The following C4orf50 variants were observed in gnomAD, a reference collection of about 807,000 sequenced individuals.
The protein encoded by C4orf50 is chromosome 4 open reading frame 50, also known as uncharacterized protein C4orf50.
C4orf50 carries 80 observed loss-of-function variants against 77.2 expected under a neutral mutation model. That is an observed-to-expected ratio of 1.04 (90% CI 0.87 to 1.25). The LOEUF (loss-of-function observed/expected upper bound fraction) is 1.25, where lower values mean the gene tolerates loss of function less well. Ranked by LOEUF, C4orf50 falls within the 50% of genes most tolerant of loss-of-function variation. The pLI, the probability that C4orf50 is intolerant of heterozygous loss-of-function variation, is 0.00. For synonymous variants in C4orf50, 532 were observed against 465.3 expected, an observed-to-expected ratio of 1.14 and a Z score of -1.84; for missense variants, 1,257 against 1,152.9, an observed-to-expected ratio of 1.09 and a Z score of -1.31.
intron 23 of C4orf50, among the ~76,000 whole-genome samples, chr4:6,016,780 T>C (rs1042619148): frequency 2.6e-5 from 4 of 152,186 alleles, no homozygotes; most frequent in African/African-American, 9.7e-5. Flanking sequence ...TTTTTCTGAT[T>C]TGTGAATTTC....
At chr4:5,925,929 A>G (rs540201006) in intron 7 of C4orf50, among the ~76,000 whole-genome samples, 1 of 152,316 alleles carries the variant, frequency 6.6e-6, no homozygotes, top group East Asian at 1.9e-4. Flanking sequence ...AGCAATGCAG[A>G]GAAACCTGAG....
chr4:6,001,423 C>CGTTT (rs1200923899), intron 25 of C4orf50, among the ~76,000 whole-genome samples: 1 of 152,202 alleles, frequency 6.6e-6, no homozygotes, highest in African/African-American at 2.4e-5. Flanking sequence ...TGTTATCCAG[C>CGTTT]GTTTGTTCAG....
chr4:5,959,894 C>T (rs1008389365), intron 33 of C4orf50, among the ~76,000 whole-genome samples: 1 of 152,106 alleles, frequency 6.6e-6, no homozygotes, highest in African/African-American at 2.4e-5. Context: ...TGGCAGGTGC[C>T]TGACAATACA....
chr4:6,017,717 A>G lies in C4orf50; in HGVS notation c.287+428T>C, dbSNP rs1437614686. ...GCCTAAAACCATGCTTCTGTCTGCC[A>G]GTTCCCCTAAAAAAATCACCCCAAA... is the stretch of plus-strand genomic sequence containing the variant. On this transcript the variant is annotated intron_variant, in intron 23 of 33. Coordinates refer to ENST00000531445, the Ensembl canonical transcript of C4orf50. This position sits in a 1 kb window ranked among gnomAD's most constrained non-coding sequence, Gnocchi z 4.7. Among the ~76,000 whole-genome samples the G allele has an allele frequency of 2.0e-5, 3 of 152,094 alleles. No individual in the cohort carries two copies. Among genetic ancestry groups the G allele is most frequent in the African/African-American group, 7.2e-5 (3 of 41,418 alleles).
rs181395518 is a variant in C4orf50, at chr4:5,960,744, C to A, written c.4276-1118G>T. ...AGGAGCTGGGAAGGCCTCATGGAGGCAGTGTCTGAGCTCGGCTTTTGGGGA... is the reference window on the plus strand; with the variant it reads ...AGGAGCTGGGAAGGCCTCATGGAGGAAGTGTCTGAGCTCGGCTTTTGGGGA... On this transcript the variant is annotated intron_variant, in intron 33 of 33. Transcript: ENST00000531445. 2.0e-5 allele frequency among the ~76,000 whole-genome samples: 3 copies of A among 152,328 alleles called. No homozygotes were observed. The East Asian group carries it at 5.8e-4, about 29-fold the overall frequency.
rs28537626 is a variant in C4orf50 at position 5,982,417 on chromosome 4, G to C, written c.3700-2079C>G. On this transcript the variant is annotated intron_variant, in intron 28 of 33. Coordinates refer to ENST00000531445, the Ensembl canonical transcript of C4orf50. ...GAGCACATGGGCAGGGTGTACGCTG[G>C]CCTGAGATGGGCGGTGGTGACGCTG... Among the ~76,000 whole-genome samples the C allele has an allele frequency of 7.4e-3, 1,124 of 152,308 alleles. 13 individuals are homozygous for C. The highest frequency in any genetic ancestry group is 0.026 in the African/African-American group (1,083 of 41,560).
intron 30 of C4orf50, among the ~76,000 whole-genome samples, chr4:5,974,944 A>G (rs1720166528): frequency 1.3e-5 from 2 of 151,844 alleles, no homozygotes. Flanking sequence ...GTTCGAGACC[A>G]CCCTGGCCAA....
chr4:6,005,242 A>G (rs11931880), intron 25 of C4orf50, among the ~76,000 whole-genome samples: 4,365 of 152,296 alleles, frequency 0.029, 96 homozygotes, highest in African/African-American at 0.057. Flanking sequence ...TGAGAGACCG[A>G]GGCAGAAGTG....
At chr4:5,914,738 T>C (rs1259006329) in intron 7 of C4orf50, among the ~76,000 whole-genome samples, 1 of 152,242 alleles carries the variant, frequency 6.6e-6, no homozygotes, top group Non-Finnish European at 1.5e-5. Flanking sequence ...TTCTATAGCA[T>C]TAAAGTTATT....
rs557238972 is a variant in C4orf50, at chr4:5,934,224, C to G, written c.*2474+22677G>C. Among the ~76,000 whole-genome samples, 224 of 152,124 alleles carry G rather than the reference C, an allele frequency of 1.5e-3. 1 individual carries two copies. Among genetic ancestry groups the G allele is most frequent in the African/African-American group, 5.0e-3 (208 of 41,490 alleles). On this transcript the variant is annotated intron_variant, in intron 7 of 7. Coordinates refer to the C4orf50 transcript ENST00000324058. ...GTAAGGCGAGGTGGACAGTGTTTGG[C>G]GGCGACACAGGAGTCACGGCTGCTC...
chr4:5,922,810 C>A (rs1290696621), intron 7 of C4orf50, among the ~76,000 whole-genome samples: 1 of 152,186 alleles, frequency 6.6e-6, no homozygotes, highest in Non-Finnish European at 1.5e-5. Flanking sequence ...GGACTCCAGC[C>A]TCCTGGCTCC....
chr4:5,971,089 C>T lies in C4orf50; in HGVS notation c.4104+2570G>A, dbSNP rs143463776. 1.4e-3 allele frequency among the ~76,000 whole-genome samples: 216 copies of T among 152,308 alleles called. 3 individuals carry two copies. The highest frequency in any genetic ancestry group is 5.0e-3 in the African/African-American group (207 of 41,574). ...CCAGGGGTATTCCTGGAAGGTACAT[C>T]AGCCCTCCACCGCCTGGCTGAAGTT... On this transcript the variant is annotated intron_variant, in intron 31 of 33. Transcript: ENST00000531445.
rs541882244 is a variant in C4orf50, at chr4:5,966,863, T to G, written c.4153+551A>C. Among the ~76,000 whole-genome samples the G allele has an allele frequency of 2.6e-5, 4 of 152,274 alleles. No individual in the cohort carries two copies. In the South Asian group the frequency reaches 8.3e-4, roughly 32 times the overall value. The stretch of plus-strand genomic sequence containing the variant: ...TGGGGTTTCACCATGTTGGCCAGGA[T>G]GGTCTCCATCTCTTGACCTCGTGAT... On this transcript the variant is annotated intron_variant, in intron 32 of 33. Coordinates refer to ENST00000531445, the Ensembl canonical transcript of C4orf50.
intron 29 of C4orf50, among the ~76,000 whole-genome samples, chr4:5,976,890 G>C (rs1720317345): frequency 6.6e-6 from 1 of 152,234 alleles, no homozygotes; most frequent in Non-Finnish European, 1.5e-5. Flanking sequence ...CCTCAGATCT[G>C]GGCTGGCCTG....
At chr4:6,013,471 G>A (rs893426648) in intron 23 of C4orf50, among the ~76,000 whole-genome samples, 4 of 152,208 alleles carry the variant, frequency 2.6e-5, no homozygotes, top group Admixed American at 6.5e-5. Flanking sequence ...AGAAAATGAC[G>A]AATTTCACTT....
At chr4:5,922,047 A>G (rs997857935) in intron 7 of C4orf50, among the ~76,000 whole-genome samples, 1 of 152,202 alleles carries the variant, frequency 6.6e-6, no homozygotes, top group African/African-American at 2.4e-5. Context: ...CTGGTCAAGC[A>G]GGAAAGTGAT....
At chr4:6,016,020 G>A (rs572956276) in intron 23 of C4orf50, among the ~76,000 whole-genome samples, 3 of 152,304 alleles carry the variant, frequency 2.0e-5, no homozygotes, top group South Asian at 4.1e-4. Flanking sequence ...CTGAGCTGCC[G>A]GGAGAGGCCT....
At chr4:6,012,901 A>C (rs1015932927) in intron 23 of C4orf50, among the ~76,000 whole-genome samples, 1 of 152,184 alleles carries the variant, frequency 6.6e-6, no homozygotes, top group African/African-American at 2.4e-5. Context: ...GTGAAGGTGC[A>C]TTCACAGCCT....
chr4:5,989,794 G>A, exon 28 of C4orf50: 1 of 1,515,520 alleles, frequency 6.6e-7, no homozygotes, highest in Non-Finnish European at 8.8e-7. Context: ...ATGTTCCTGG[G>A]AGTCAGGCTC....
Sources: allele counts gnomAD v4.1 joint callset (sites outside exome capture counted in the v4.1 genomes callset), GRCh38; gene constraint gnomAD v4.1.1; non-coding constraint Gnocchi (gnomAD v3.1); transcripts MANE v1.5; gene names NCBI Gene and HGNC (gene_info 2026-07-23, HGNC 2026-07-21).